Variants in WDFY3 observed in about 807,000 individuals in gnomAD.
WDFY3 encodes WD repeat and FYVE domain containing 3.
In WDFY3, 66 loss-of-function variants were observed where a neutral mutation model predicts 409.6. The observed-to-expected ratio is 0.16, with a 90% CI of 0.13 to 0.20. The LOEUF (loss-of-function observed/expected upper bound fraction) is 0.20. Among genes scored for constraint, WDFY3 ranks in the 10% least tolerant of loss-of-function variants. The pLI, the probability that WDFY3 is intolerant of heterozygous loss-of-function variation, is 1.00. For synonymous variants in WDFY3, 1,521 were observed against 1,537.1 expected, an observed-to-expected ratio of 0.99 and a Z score of 0.25; for missense variants, 3,031 against 4,298.1, an observed-to-expected ratio of 0.71 and a Z score of 8.24.
Position 84,829,090 on chromosome 4 carries a change from G to C in WDFY3, c.870C>G (p.Leu290=). 6.2e-7 allele frequency: 1 copy of C among 1,613,860 alleles called. No homozygotes were observed. The highest frequency in any genetic ancestry group is 8.5e-7 in the Non-Finnish European group (1 of 1,179,840). ...TTTGGGAAACATCGCTGGAATCTTT[G>C]AGGAAACAAGAAAGCCCAGCAAACA... ...VEMFAGLSCF[L]KDSSDVSQTL... Residue 290 remains leucine (L), a synonymous_variant, in exon 9 of 68, where the codon CTC becomes CTG. Transcript: ENST00000295888.
chr4:84,860,450 C>G lies in WDFY3; in HGVS notation c.142G>C (p.Glu48Gln). 6.2e-7 allele frequency: 1 copy of G among 1,614,128 alleles called. No individual in the cohort carries two copies. Among genetic ancestry groups the G allele is most frequent in the Non-Finnish European group, 8.5e-7 (1 of 1,179,996 alleles). Residue 48 changes from glutamate (E) to glutamine (Q), a missense_variant, in exon 4 of 68, where the codon GAA becomes CAA. Physicochemically the swap from Glu to Gln is conservative, Grantham distance 29 (BLOSUM62 2). Transcript: ENST00000295888. Reference sequence around the variant, plus strand: ...GGCAGCATCATATACAGTTTCTCTTCTTGTTCCTTCTGAGTCATGTGCCGG... The same window carrying G: ...GGCAGCATCATATACAGTTTCTCTTGTTGTTCCTTCTGAGTCATGTGCCGG... ...PPRHMTQKEQ[E>Q]EKLYMMLPVF...
At chr4:84,715,529 C>A in intron 49 of WDFY3, 146 bp from the exon 50 acceptor site, 1 of 482,818 alleles carries the variant, frequency 2.1e-6, no homozygotes, top group African/African-American at 2.0e-5. Context: ...AATCCCAGCA[C>A]TTTGGGAGGC....
chr4:84,683,835 A>G, intron 63 of WDFY3, 108 bp downstream of exon 63: 1 of 1,216,958 alleles, frequency 8.2e-7, no homozygotes. Flanking sequence ...GCGAGAGTTC[A>G]CTAAACATTA....
At chr4:84,713,354 AC>A in intron 50 of WDFY3, 115 bp from the exon 51 acceptor site, 1 of 869,584 alleles carries the variant, frequency 1.1e-6, no homozygotes, top group South Asian at 1.5e-5. Flanking sequence ...CCCTCCCATA[AC>A]CCACTAAATG....
At chr4:84,961,661 AT>A (rs201548828) in intron 1 of WDFY3, among the ~76,000 whole-genome samples, 4,246 of 152,250 alleles carry the variant, frequency 0.028, 96 homozygotes, top group South Asian at 0.11. Context: ...AAAGAAAATT[AT>A]TTTTTTATAA....
intron 2 of WDFY3, among the ~76,000 whole-genome samples, chr4:84,904,435 C>T (rs1579064228): frequency 6.6e-6 from 1 of 152,046 alleles, no homozygotes. Flanking sequence ...ATTCAAAGGT[C>T]ACACAGCTTG....
chr4:84,771,397 C>T (rs1246717747), intron 30 of WDFY3, among the ~76,000 whole-genome samples: 4 of 152,150 alleles, frequency 2.6e-5, no homozygotes, highest in African/African-American at 9.7e-5. Context: ...TTCAGCCTCC[C>T]GAAGTGTTGG....
At chr4:84,793,900 CA>C (rs1363230568) in intron 21 of WDFY3, among the ~76,000 whole-genome samples, 2 of 151,622 alleles carry the variant, frequency 1.3e-5, no homozygotes, top group African/African-American at 2.4e-5. Flanking sequence ...ATTAGATGAC[CA>C]AAAAAATCAC....
At chr4:84,761,869 C>T (rs1257883444) in intron 32 of WDFY3, among the ~76,000 whole-genome samples, 2 of 152,142 alleles carry the variant, frequency 1.3e-5, no homozygotes, top group Non-Finnish European at 1.5e-5. Flanking sequence ...AAAATGCTCA[C>T]CATCACTGGC....
Position 84,715,400 on chromosome 4 carries a change from GA to G in WDFY3, c.7876-18del, listed in dbSNP as rs1328108523. Reference sequence around the variant, plus strand: ...AGCAATAGGCTGAAATGATCAGAGAGAAAAACATTAAGAAAAAACAGAAGTT... The same window carrying G: ...AGCAATAGGCTGAAATGATCAGAGAGAAAACATTAAGAAAAAACAGAAGTT... On this transcript the variant is annotated intron_variant, in intron 49 of 67. Transcript: ENST00000295888. The G allele has an allele frequency of 7.2e-7, 1 of 1,391,950 alleles. No individual in the cohort carries two copies. The highest frequency in any genetic ancestry group is 1.0e-6 in the Non-Finnish European group (1 of 990,478). 86.2% of individuals were successfully genotyped at this position (1,391,950 alleles called of 1,614,324 possible).
At chr4:84,963,127 CAAAA>C (rs112014329) in intron 1 of WDFY3, among the ~76,000 whole-genome samples, 5 of 130,688 alleles carry the variant, frequency 3.8e-5, no homozygotes, top group East Asian at 2.4e-4. Flanking sequence ...AACAAAAAAA[CAAAA>C]AAAAAAAAAC....
At chr4:84,758,598 A>C (rs1251225521) in intron 32 of WDFY3, among the ~76,000 whole-genome samples, 19 of 152,176 alleles carry the variant, frequency 1.2e-4, no homozygotes, top group Admixed American at 1.2e-3. Flanking sequence ...GCAGCAAAGT[A>C]CATATTACAA....
chr4:84,758,735 T>G (rs1469336775), intron 32 of WDFY3, among the ~76,000 whole-genome samples: 1 of 152,124 alleles, frequency 6.6e-6, no homozygotes, highest in Non-Finnish European at 1.5e-5. Context: ...AAAAAAATTA[T>G]ATAGCAATTT....
chr4:84,829,644 T>G (rs1010533068), intron 8 of WDFY3, among the ~76,000 whole-genome samples: 1 of 151,704 alleles, frequency 6.6e-6, no homozygotes, highest in Non-Finnish European at 1.5e-5. Context: ...CTGTCTCTAC[T>G]AAAAATACAA....
At chr4:84,773,499 T>A (rs1026844032) in intron 29 of WDFY3, among the ~76,000 whole-genome samples, 5 of 152,132 alleles carry the variant, frequency 3.3e-5, no homozygotes, top group African/African-American at 9.7e-5. Flanking sequence ...AGAAAAAACA[T>A]CCTGACTGTA....
intron 2 of WDFY3, among the ~76,000 whole-genome samples, chr4:84,912,227 A>G (rs1474843321): frequency 6.6e-6 from 1 of 152,156 alleles, no homozygotes. Context: ...CATAACAAGG[A>G]AAAGTTGAAT....
At chr4:84,766,956 C>T (rs1410002281) in intron 30 of WDFY3, among the ~76,000 whole-genome samples, 2 of 152,166 alleles carry the variant, frequency 1.3e-5, no homozygotes, top group Non-Finnish European at 2.9e-5. Flanking sequence ...GCATCAACAA[C>T]CCAGAGTTCT....
At chr4:84,946,718 T>G (rs184196770) in intron 1 of WDFY3, among the ~76,000 whole-genome samples, 106 of 152,228 alleles carry the variant, frequency 7.0e-4, no homozygotes, top group African/African-American at 2.5e-3. Flanking sequence ...CGAGGTATAT[T>G]CCTAGCGCGC....
intron 53 of WDFY3, among the ~76,000 whole-genome samples, chr4:84,706,861 G>T (rs981658760): frequency 8.6e-5 from 13 of 151,862 alleles, no homozygotes; most frequent in Non-Finnish European, 1.6e-4. Context: ...TGAAAAGGTT[G>T]CTATAGTGAG....
Sources: gnomAD v4.1 joint callset for allele counts (sites outside exome capture counted in the v4.1 genomes callset) on GRCh38, gnomAD v4.1.1 for gene constraint, MANE v1.5 for transcripts, NCBI Gene and HGNC (gene_info 2026-07-23, HGNC 2026-07-21) for gene names.